The following ANO6 variants were observed in gnomAD, a reference collection of about 807,000 sequenced individuals.
ANO6 encodes the protein anoctamin 6.
Under a neutral mutation model 117.5 loss-of-function variants are expected in ANO6, and 106 were observed. The observed-to-expected ratio is 0.90, with a 90% CI of 0.77 to 1.06. The LOEUF (loss-of-function observed/expected upper bound fraction) is 1.06. Ranked by LOEUF, ANO6 falls within the 50% of genes least tolerant of loss-of-function variation. ANO6 has a pLI of 0.00. For synonymous variants in ANO6, 367 were observed against 385.1 expected (o/e 0.95, Z 0.55); for missense variants, 955 against 1,121.1 (o/e 0.85, Z 2.12).
intron 18 of ANO6, among the ~76,000 whole-genome samples, chr12:45,422,709 G>A (rs962184645): frequency 1.3e-5 from 2 of 151,910 alleles, no homozygotes; most frequent in South Asian, 2.1e-4. Flanking sequence ...AAATAGCTGC[G>A]ATTACAAGCA....
At chr12:45,402,558 G>T (rs1592022546) in intron 13 of ANO6, among the ~76,000 whole-genome samples, 2 of 152,304 alleles carry the variant, frequency 1.3e-5, no homozygotes, top group East Asian at 3.9e-4. Context: ...GTCGTTCCCT[G>T]AATGGCCTGC....
At chr12:45,392,324 G>C (rs576430030) in intron 12 of ANO6, among the ~76,000 whole-genome samples, 4 of 152,356 alleles carry the variant, frequency 2.6e-5, no homozygotes, top group South Asian at 2.1e-4. Context: ...GCTGAGGCTT[G>C]AGTAGGTAAA....
rs1375763048 is a variant in ANO6, at chr12:45,431,236, T to C, written c.*1925T>C. 2.0e-6 allele frequency: 2 copies of C among 985,304 alleles called. No individual in the cohort carries two copies. Among genetic ancestry groups the C allele is most frequent in the Non-Finnish European group, 1.2e-6 (1 of 829,864 alleles). 61.0% of individuals were successfully genotyped at this position (985,304 alleles called of 1,614,324 possible). On this transcript the variant is annotated 3_prime_UTR_variant, in exon 20 of 20. Transcript: ENST00000320560. The stretch of plus-strand genomic sequence containing the variant: ...AATTTCTTCCCACTGAAGGAAACTC[T>C]TTCTCATTCGCAGCCAAGACGGGAG...
intron 1 of ANO6, among the ~76,000 whole-genome samples, chr12:45,297,931 T>C (rs1363609104): frequency 6.6e-6 from 1 of 152,178 alleles, no homozygotes; most frequent in Non-Finnish European, 1.5e-5. Context: ...TAATTATGTC[T>C]CTGGTTTCTT....
intron 8 of ANO6, among the ~76,000 whole-genome samples, chr12:45,357,958 A>G (rs982511411): frequency 2.0e-5 from 3 of 152,244 alleles, no homozygotes; most frequent in African/African-American, 7.2e-5. Flanking sequence ...GTAGTGAAAA[A>G]TTAGTTTGTA....
intron 1 of ANO6, among the ~76,000 whole-genome samples, chr12:45,220,856 C>T (rs1947385531): frequency 6.6e-6 from 1 of 152,172 alleles, no homozygotes; most frequent in Non-Finnish European, 1.5e-5. Flanking sequence ...AAGAGCCAGG[C>T]TGAAGGTTAA....
intron 15 of ANO6, 29 bp downstream of exon 15, chr12:45,403,565 A>G: frequency 6.4e-7 from 1 of 1,572,254 alleles, no homozygotes; most frequent in Non-Finnish European, 8.7e-7. Flanking sequence ...AGCCATGGGT[A>G]AAAGGACAAG....
At chr12:45,229,267 G>A (rs1209108982) in intron 1 of ANO6, among the ~76,000 whole-genome samples, 1 of 152,142 alleles carries the variant, frequency 6.6e-6, no homozygotes, top group Admixed American at 6.5e-5. Context: ...ATGTACTGTG[G>A]AGAGCTATGT....
At position 45,421,358 on chromosome 12, in the gene ANO6, T is replaced by C. The variant is rs1943360310; in HGVS notation, c.2420+85T>C. 5 of 1,365,650 alleles carry C rather than the reference T, an allele frequency of 3.7e-6. No individual in the cohort carries two copies. The Admixed American group carries it at 7.8e-5, about 21-fold the overall frequency. 84.6% of individuals were successfully genotyped at this position (1,365,650 alleles called of 1,614,324 possible). A position where few individuals can be genotyped will look rare whatever the true frequency, so the allele number is the denominator to read the frequency against. On this transcript the variant is annotated intron_variant, in intron 18 of 19. Coordinates refer to ENST00000320560, the MANE Select transcript of ANO6 (RefSeq NM_001025356.3). ...ACTTAATTCTGTTTGGTGTCATTTT[T>C]AAAATTTTTATTTCTTTATAACTTC...
intron 15 of ANO6, among the ~76,000 whole-genome samples, chr12:45,403,899 C>T (rs901905459): frequency 2.0e-5 from 3 of 152,132 alleles, no homozygotes; most frequent in Admixed American, 2.0e-4. Flanking sequence ...ATATCCTTCT[C>T]CTCTCTTTCC....
intron 3 of ANO6, among the ~76,000 whole-genome samples, chr12:45,344,721 C>A (rs568559199): frequency 7.2e-5 from 11 of 152,238 alleles, no homozygotes; most frequent in African/African-American, 2.6e-4. Context: ...GATCAAAATG[C>A]TTTACCCAAT....
chr12:45,258,589 C>T (rs573429640), intron 1 of ANO6, among the ~76,000 whole-genome samples: 7 of 152,212 alleles, frequency 4.6e-5, no homozygotes, highest in East Asian at 1.9e-4. Flanking sequence ...TTAGTCACCA[C>T]GAATCCTGAA....
At chr12:45,320,356 C>T (rs1565687356) in intron 2 of ANO6, among the ~76,000 whole-genome samples, 1 of 152,092 alleles carries the variant, frequency 6.6e-6, no homozygotes, top group African/African-American at 2.4e-5. Context: ...ATCTTTATTT[C>T]TGCCTTCATT....
chr12:45,312,197 T>C (rs1018431462), intron 2 of ANO6, among the ~76,000 whole-genome samples: 2 of 152,036 alleles, frequency 1.3e-5, no homozygotes, highest in Admixed American at 6.6e-5. Flanking sequence ...AGATGTGATA[T>C]CAGTATTTAC....
intron 10 of ANO6, among the ~76,000 whole-genome samples, chr12:45,380,767 G>A (rs977115264): frequency 6.6e-6 from 1 of 152,174 alleles, no homozygotes; most frequent in African/African-American, 2.4e-5. Context: ...GAGGTCAGGA[G>A]TTTGAAACCA....
downstream of ANO6, among the ~76,000 whole-genome samples, chr12:45,432,959 C>T (rs1464140782): frequency 7.2e-5 from 11 of 152,194 alleles, no homozygotes; most frequent in Non-Finnish European, 1.3e-4. Flanking sequence ...GAGAGCCAGC[C>T]TGCAGTAGGT....
intron 2 of ANO6, among the ~76,000 whole-genome samples, chr12:45,321,126 A>G (rs1285217618): frequency 1.3e-5 from 2 of 152,126 alleles, no homozygotes; most frequent in Non-Finnish European, 2.9e-5. Context: ...TGCACTTAAA[A>G]GTTGCAATAT....
intron 17 of ANO6, among the ~76,000 whole-genome samples, chr12:45,417,368 T>G (rs1467224263): frequency 6.6e-6 from 1 of 152,212 alleles, no homozygotes; most frequent in Non-Finnish European, 1.5e-5. Flanking sequence ...ATAAACACTT[T>G]GTGCACTCCT....
At chr12:45,418,631 G>A (rs1943274407) in intron 17 of ANO6, among the ~76,000 whole-genome samples, 1 of 152,068 alleles carries the variant, frequency 6.6e-6, no homozygotes, top group South Asian at 2.1e-4. Context: ...TATTCCTCAA[G>A]CATTCTAGAT....
Sources: allele counts gnomAD v4.1 joint callset (sites outside exome capture counted in the v4.1 genomes callset), GRCh38; gene constraint gnomAD v4.1.1; transcripts MANE v1.5; gene names NCBI Gene and HGNC (gene_info 2026-07-23, HGNC 2026-07-21).